CDC42SE2: variants seen among roughly 807,000 people sequenced by gnomAD.
CDC42SE2 encodes CDC42 small effector 2, also known as CDC42 small effector protein 2.
A neutral mutation model predicts 11.5 loss-of-function variants in CDC42SE2; 3 were observed. The ratio of observed to expected loss-of-function variants is 0.26; its 90% CI spans 0.12 to 0.67. The LOEUF (loss-of-function observed/expected upper bound fraction) is 0.67, where lower values mean the gene tolerates loss of function less well. CDC42SE2 is among the 30% of genes least tolerant of loss of function. The pLI, the probability that CDC42SE2 is intolerant of heterozygous loss-of-function variation, is 0.80. For synonymous variants in CDC42SE2, 33 were observed against 34.8 expected, an observed-to-expected ratio of 0.95 and a Z score of 0.18; for missense variants, 82 against 106.8, an observed-to-expected ratio of 0.77 and a Z score of 1.02.
chr5:131,303,251 C>CTA (rs1362901222), intron 1 of CDC42SE2, among the ~76,000 whole-genome samples: 2 of 152,062 alleles, frequency 1.3e-5, no homozygotes, highest in Non-Finnish European at 2.9e-5. Context: ...TCTTACAGGT[C>CTA]TATATTTGTC....
intron 1 of CDC42SE2, among the ~76,000 whole-genome samples, chr5:131,307,653 C>T (rs1003552764): frequency 6.6e-6 from 1 of 152,144 alleles, no homozygotes; most frequent in African/African-American, 2.4e-5. Flanking sequence ...CTGACTTCCA[C>T]AATGGTTGAA....
At chr5:131,250,107 A>G (rs1756628217) in intron 1 of CDC42SE2, among the ~76,000 whole-genome samples, 1 of 152,220 alleles carries the variant, frequency 6.6e-6, no homozygotes, top group African/African-American at 2.4e-5. Context: ...CTATGAGTCA[A>G]CAATTCTACT....
chr5:131,235,938 A>G, the CDC42SE2 span, among the ~76,000 whole-genome samples: 1 of 152,204 alleles, frequency 6.6e-6, no homozygotes, highest in African/African-American at 2.4e-5. Context: ...CCCTTAGGCC[A>G]GTCATGTTAA....
the CDC42SE2 span, among the ~76,000 whole-genome samples, chr5:131,227,580 AATTTT>A: frequency 6.6e-6 from 1 of 152,250 alleles, no homozygotes; most frequent in Non-Finnish European, 1.5e-5. Flanking sequence ...TAATTTATAG[AATTTT>A]ATTTTATTTT....
chr5:131,292,143 G>T (rs1263652515), intron 1 of CDC42SE2, among the ~76,000 whole-genome samples: 1 of 150,054 alleles, frequency 6.7e-6, no homozygotes, highest in Non-Finnish European at 1.5e-5. Flanking sequence ...GGAGGCTGAG[G>T]CAGGAGAATC....
chr5:131,242,080 T>C (rs1398279992), upstream of CDC42SE2, among the ~76,000 whole-genome samples: 1 of 152,228 alleles, frequency 6.6e-6, no homozygotes, highest in Non-Finnish European at 1.5e-5. Context: ...TTATCAGATA[T>C]CTGAATTTTA....
At chr5:131,309,483 C>T (rs571755522) in intron 1 of CDC42SE2, among the ~76,000 whole-genome samples, 3 of 151,910 alleles carry the variant, frequency 2.0e-5, no homozygotes, top group Non-Finnish European at 4.4e-5. Context: ...GGAGGATTCC[C>T]TCTTTTTCTA....
intron 3 of CDC42SE2, among the ~76,000 whole-genome samples, chr5:131,374,896 G>A (rs191026166): frequency 7.2e-5 from 11 of 152,162 alleles, no homozygotes; most frequent in African/African-American, 2.2e-4. Flanking sequence ...ATTGTACATT[G>A]TATACATACA....
chr5:131,317,433 T>G (rs1221338141), intron 2 of CDC42SE2, among the ~76,000 whole-genome samples: 1 of 152,214 alleles, frequency 6.6e-6, no homozygotes, highest in Non-Finnish European at 1.5e-5. Flanking sequence ...AATTCAGGAA[T>G]AATTTGTATT....
intron 3 of CDC42SE2, among the ~76,000 whole-genome samples, chr5:131,382,161 C>T (rs1750346676): frequency 6.6e-6 from 1 of 152,190 alleles, no homozygotes; most frequent in Non-Finnish European, 1.5e-5. Flanking sequence ...TCTAATAACA[C>T]AGTATGATAG....
At chr5:131,212,184 T>C in the CDC42SE2 span, among the ~76,000 whole-genome samples, 1 of 152,120 alleles carries the variant, frequency 6.6e-6, no homozygotes, top group African/African-American at 2.4e-5. Flanking sequence ...CTTGGCTCAC[T>C]GCAACCTCTG....
chr5:131,373,110 G>C (rs1305589565), intron 3 of CDC42SE2, among the ~76,000 whole-genome samples: 1 of 152,134 alleles, frequency 6.6e-6, no homozygotes, highest in African/African-American at 2.4e-5. Context: ...TTTGACGTTA[G>C]TTACCACAAA....
chr5:131,266,460 CTTTTTT>C (rs913283936), intron 1 of CDC42SE2, among the ~76,000 whole-genome samples: 1 of 128,196 alleles, frequency 7.8e-6, no homozygotes, highest in Non-Finnish European at 1.7e-5. Flanking sequence ...TTTTTTTTTT[CTTTTTT>C]TTTTTTTTTT....
chr5:131,262,627 G>T (rs143144471), upstream of CDC42SE2, among the ~76,000 whole-genome samples: 570 of 152,102 alleles, frequency 3.7e-3, 2 homozygotes, highest in African/African-American at 0.013. Flanking sequence ...CTAGGACCAC[G>T]ACCAGTACCA....
chr5:131,363,418 C>T (rs1749767850), intron 3 of CDC42SE2, among the ~76,000 whole-genome samples: 1 of 152,130 alleles, frequency 6.6e-6, no homozygotes, highest in Non-Finnish European at 1.5e-5. Flanking sequence ...CTCTTGTCGC[C>T]TAGGCTGGAG....
At chr5:131,226,275 G>A in the CDC42SE2 span, among the ~76,000 whole-genome samples, 1 of 152,220 alleles carries the variant, frequency 6.6e-6, no homozygotes, top group Admixed American at 6.5e-5. Context: ...TAGCAATTTA[G>A]TATCATTTGT....
the CDC42SE2 span, among the ~76,000 whole-genome samples, chr5:131,213,523 A>G: frequency 6.6e-6 from 1 of 152,156 alleles, no homozygotes; most frequent in African/African-American, 2.4e-5. Flanking sequence ...GTCGTGGCTC[A>G]CTGCGGCCTT....
At chr5:131,333,082 A>G (rs1158547126) in intron 2 of CDC42SE2, among the ~76,000 whole-genome samples, 2 of 152,138 alleles carry the variant, frequency 1.3e-5, no homozygotes, top group African/African-American at 2.4e-5. Flanking sequence ...GTTTTCTTCT[A>G]GGGTTTTTAT....
intron 1 of CDC42SE2, among the ~76,000 whole-genome samples, chr5:131,284,285 T>A (rs1757297321): frequency 6.6e-6 from 1 of 152,196 alleles, no homozygotes; most frequent in East Asian, 1.9e-4. Flanking sequence ...GTTATAATTT[T>A]AAAAAATTGA....
Sources: gnomAD v4.1 joint callset for allele counts (sites outside exome capture counted in the v4.1 genomes callset) on GRCh38, gnomAD v4.1.1 for gene constraint, MANE v1.5 for transcripts, NCBI Gene and HGNC (gene_info 2026-07-23, HGNC 2026-07-21) for gene names.